SLC9A9: variants seen among roughly 807,000 people sequenced by gnomAD.
SLC9A9 encodes solute carrier family 9 member A9, also known as sodium/hydrogen exchanger 9.
A neutral mutation model predicts 77.8 loss-of-function variants in SLC9A9; 62 were observed. The observed-to-expected ratio is 0.80, with a 90% CI of 0.65 to 0.98. The LOEUF (loss-of-function observed/expected upper bound fraction) is 0.98, where lower values mean the gene tolerates loss of function less well. SLC9A9 is among the 50% of genes least tolerant of loss of function. The pLI is 0.00. For synonymous variants in SLC9A9, 320 were observed against 283.5 expected (o/e 1.13, Z -1.29); for missense variants, 775 against 774.9 (o/e 1.00, Z 0.00).
At chr3:143,508,160 A>T (rs1355950410) in intron 9 of SLC9A9, among the ~76,000 whole-genome samples, 1 of 152,222 alleles carries the variant, frequency 6.6e-6, no homozygotes, top group Non-Finnish European at 1.5e-5. Flanking sequence ...ACAACTGTTT[A>T]AGACATGACT....
intron 9 of SLC9A9, among the ~76,000 whole-genome samples, chr3:143,532,331 C>A (rs974281300): frequency 6.6e-6 from 1 of 152,056 alleles, no homozygotes; most frequent in African/African-American, 2.4e-5. Context: ...CAGCTGGCTC[C>A]AGCACACTAC....
chr3:143,429,701 C>A (rs1169158625), intron 12 of SLC9A9, among the ~76,000 whole-genome samples: 1 of 152,136 alleles, frequency 6.6e-6, no homozygotes, highest in African/African-American at 2.4e-5. Flanking sequence ...GGAGTGCACA[C>A]CCAGATGGAG....
intron 9 of SLC9A9, among the ~76,000 whole-genome samples, chr3:143,545,693 C>A (rs1198315882): frequency 6.6e-6 from 1 of 152,188 alleles, no homozygotes; most frequent in Admixed American, 6.5e-5. Context: ...GAGAGTTTTT[C>A]CAGGAAGAAG....
At chr3:143,502,321 C>G (rs553021855) in intron 9 of SLC9A9, among the ~76,000 whole-genome samples, 1 of 151,762 alleles carries the variant, frequency 6.6e-6, no homozygotes, top group Non-Finnish European at 1.5e-5. Flanking sequence ...ATTTAAACTG[C>G]GTAAGAGGAC....
intron 14 of SLC9A9, among the ~76,000 whole-genome samples, chr3:143,278,030 G>A (rs1204232601): frequency 6.6e-6 from 1 of 152,126 alleles, no homozygotes; most frequent in Non-Finnish European, 1.5e-5. Context: ...CCCCCGCTTG[G>A]CTCCCAAAAT....
rs184240237 is a variant in SLC9A9, at chr3:143,400,830, T to A, written c.1470-18716A>T. On this transcript the variant is annotated intron_variant, in intron 12 of 15. Coordinates refer to ENST00000316549, the MANE Select transcript of SLC9A9 (RefSeq NM_173653.4). Reference sequence around the variant, plus strand: ...AGACTAGAGTTAGGCAAGGGAGACATCCTGTCTCTCAGGATCGTGCAAGTG... The same window carrying A: ...AGACTAGAGTTAGGCAAGGGAGACAACCTGTCTCTCAGGATCGTGCAAGTG... Among the ~76,000 whole-genome samples, 130 of 151,962 alleles carry A rather than the reference T, an allele frequency of 8.6e-4. 1 individual carries two copies. The highest frequency in any genetic ancestry group is 3.1e-3 in the African/African-American group (130 of 41,456).
intron 8 of SLC9A9, among the ~76,000 whole-genome samples, chr3:143,558,423 C>G (rs908774357): frequency 1.3e-5 from 2 of 152,160 alleles, no homozygotes; most frequent in Non-Finnish European, 2.9e-5. Flanking sequence ...AACAGACACC[C>G]AATACCAGCC....
chr3:143,627,387 A>G (rs1457124623), intron 6 of SLC9A9: 1 of 215,734 alleles, frequency 4.6e-6, no homozygotes, highest in African/African-American at 2.3e-5. Context: ...CATGACAGAG[A>G]AAAAGAACAT....
chr3:143,297,203 G>A (rs2030309941), intron 14 of SLC9A9, among the ~76,000 whole-genome samples: 1 of 152,312 alleles, frequency 6.6e-6, no homozygotes, highest in South Asian at 2.1e-4. Flanking sequence ...TGTGTGTGGT[G>A]TAGGGATCTG....
intron 12 of SLC9A9, among the ~76,000 whole-genome samples, chr3:143,393,601 A>G (rs2108506934): frequency 6.6e-6 from 1 of 152,338 alleles, no homozygotes; most frequent in East Asian, 1.9e-4. Flanking sequence ...AACTAAGATC[A>G]GAGCAGAAAT....
At chr3:143,834,739 C>T (rs375220043) in intron 1 of SLC9A9, among the ~76,000 whole-genome samples, 49 of 152,250 alleles carry the variant, frequency 3.2e-4, no homozygotes, top group African/African-American at 1.2e-3. Flanking sequence ...ACCTAAATGG[C>T]CCTGACTATC....
At chr3:143,651,089 G>T in intron 6 of SLC9A9, among the ~76,000 whole-genome samples, 1 of 152,170 alleles carries the variant, frequency 6.6e-6, no homozygotes, top group East Asian at 1.9e-4. Flanking sequence ...TTTTTAAAGA[G>T]TTTTACTCCA....
chr3:143,549,740 G>A (rs716346), intron 9 of SLC9A9, among the ~76,000 whole-genome samples: 29,353 of 152,022 alleles, frequency 0.19, 2,905 homozygotes, highest in Non-Finnish European at 0.22. Context: ...CATGAGATGC[G>A]TTATCTTTGA....
intron 12 of SLC9A9, among the ~76,000 whole-genome samples, chr3:143,447,023 C>G (rs1459648478): frequency 6.6e-6 from 1 of 152,160 alleles, no homozygotes; most frequent in Admixed American, 6.6e-5. Flanking sequence ...CAATATTCTG[C>G]CTTCCTGTTT....
chr3:143,378,079 C>T (rs1311475536), intron 13 of SLC9A9, among the ~76,000 whole-genome samples: 1 of 152,216 alleles, frequency 6.6e-6, no homozygotes, highest in Non-Finnish European at 1.5e-5. Context: ...GCCTCCTCGC[C>T]TGTTCTCTAT....
chr3:143,395,752 G>T (rs1437233500), intron 12 of SLC9A9, among the ~76,000 whole-genome samples: 1 of 151,892 alleles, frequency 6.6e-6, no homozygotes, highest in African/African-American at 2.4e-5. Context: ...AAATTTACAA[G>T]AAAAAAACAA....
chr3:143,265,634 C>T lies in SLC9A9; in HGVS notation c.*1068G>A. The T allele has an allele frequency of 2.7e-6, 1 of 374,348 alleles. No homozygotes were observed. Among genetic ancestry groups the T allele is most frequent in the Non-Finnish European group, 4.7e-6 (1 of 211,366 alleles). The allele number at this position is 374,348 out of a possible 1,614,324, so 23.2% of individuals were successfully genotyped here. A position where few individuals can be genotyped will look rare whatever the true frequency, so the allele number is the denominator to read the frequency against. On this transcript the variant is annotated 3_prime_UTR_variant, in exon 16 of 16. Coordinates refer to ENST00000316549, the MANE Select transcript of SLC9A9 (RefSeq NM_173653.4). ...GGCTTAAAAGGCACAGGTCATGCAG[C>T]TGAATTAAAAGCTATCATGTTGGTC...
Position 143,764,727 on chromosome 3 carries a change from A to T in SLC9A9, c.533+30274T>A, listed in dbSNP as rs1034601385. 2.2e-4 allele frequency among the ~76,000 whole-genome samples: 34 copies of T among 151,892 alleles called. 1 individual carries two copies. The highest frequency in any genetic ancestry group is 1.9e-4 in the East Asian group (1 of 5,164). On this transcript the variant is annotated intron_variant, in intron 4 of 15. Transcript: ENST00000316549. ...ATGCACTACCATACCCAACTATTTTATTTATTTATTTATTTATCTATCTAT... is the reference window on the plus strand; with the variant it reads ...ATGCACTACCATACCCAACTATTTTTTTTATTTATTTATTTATCTATCTAT...
At chr3:143,573,799 T>A (rs9809098) in intron 8 of SLC9A9, among the ~76,000 whole-genome samples, 8,341 of 152,164 alleles carry the variant, frequency 0.055, 291 homozygotes, top group Middle Eastern at 0.082. Flanking sequence ...CATTTGAAAA[T>A]CATCCATCAC....
Sources: allele counts gnomAD v4.1 joint callset (sites outside exome capture counted in the v4.1 genomes callset), GRCh38; gene constraint gnomAD v4.1.1; transcripts MANE v1.5; gene names NCBI Gene and HGNC (gene_info 2026-07-23, HGNC 2026-07-21).